The following YEATS4 variants were observed in gnomAD, a reference collection of about 807,000 sequenced individuals.
YEATS4 encodes the protein YEATS domain-containing protein 4.
A neutral mutation model predicts 30.1 loss-of-function variants in YEATS4; 17 were observed. That is an observed-to-expected ratio of 0.56 (90% confidence interval 0.39 to 0.85). The LOEUF (loss-of-function observed/expected upper bound fraction) is 0.85. YEATS4 is among the 40% of genes least tolerant of loss of function. The pLI is 0.00. For synonymous variants in YEATS4, 85 were observed against 87.5 expected, an observed-to-expected ratio of 0.97 and a Z score of 0.16; for missense variants, 142 against 268.3, an observed-to-expected ratio of 0.53 and a Z score of 3.29.
the YEATS4 span, among the ~76,000 whole-genome samples, chr12:69,398,205 T>A: frequency 2.0e-5 from 3 of 152,096 alleles, no homozygotes; most frequent in Admixed American, 6.5e-5. Context: ...CCAGAGCAAT[T>A]TGGCAAGCAA....
In YEATS4 at chr12:69,379,583, A is replaced by ATTTTTTTT. The variant is rs61048163; in HGVS notation, c.514+8638_514+8645dup. ...CACATGCCACCACTATGCCCAGCTA[A>ATTTTTTTT]TTTTTTTTTTTTTTTTTTTTTTTTT... is the stretch of plus-strand genomic sequence containing the variant. On this transcript the variant is annotated intron_variant, in intron 6 of 6. Transcript: ENST00000247843. Among the ~76,000 whole-genome samples the ATTTTTTTT allele has an allele frequency of 6.2e-4, 45 of 72,294 alleles. 6 individuals carry two copies. Among genetic ancestry groups the ATTTTTTTT allele is most frequent in the Non-Finnish European group, 9.7e-4 (38 of 39,102 alleles). 47.4% of individuals were successfully genotyped at this position (72,294 alleles called of 152,430 possible).
rs1377568729 is a variant in YEATS4 at position 69,360,088 on chromosome 12, CG to C, written c.51+69del. On this transcript the variant is annotated intron_variant, in intron 1 of 6. Transcript: ENST00000247843. ...CGCCTCGGTTCCTCCCTGCGCGGCGCGGGGAGGGCCCACTGGGTTTCCTTTC... is the reference window on the plus strand; with the variant it reads ...CGCCTCGGTTCCTCCCTGCGCGGCGCGGGAGGGCCCACTGGGTTTCCTTTC... The C allele has an allele frequency of 1.9e-6, 3 of 1,562,530 alleles. No homozygotes were observed. In the African/African-American group the frequency reaches 4.1e-5, roughly 21 times the overall value.
chr12:69,400,806 T>A, the YEATS4 span: 1 of 152,202 alleles, frequency 6.6e-6, no homozygotes, highest in Non-Finnish European at 1.5e-5. Context: ...TGTCTAATAT[T>A]CAGCCACAGA....
At chr12:69,387,022 T>C (rs1429927009) in intron 6 of YEATS4, among the ~76,000 whole-genome samples, 4 of 152,008 alleles carry the variant, frequency 2.6e-5, no homozygotes, top group Non-Finnish European at 5.9e-5. Flanking sequence ...AAAAATCTTA[T>C]TCTACTTTTT....
chr12:69,403,899 CTT>C, the YEATS4 span, among the ~76,000 whole-genome samples: 1 of 151,812 alleles, frequency 6.6e-6, no homozygotes, highest in Non-Finnish European at 1.5e-5. Flanking sequence ...TTGAAAATTC[CTT>C]TCTCTTTCTT....
At chr12:69,395,664 T>C (rs1296272894), downstream of YEATS4, among the ~76,000 whole-genome samples, 2 of 152,142 alleles carry the variant, frequency 1.3e-5, no homozygotes, top group Non-Finnish European at 2.9e-5. Flanking sequence ...AAAAATTAAA[T>C]GAAAAGGAAA....
the YEATS4 span, among the ~76,000 whole-genome samples, chr12:69,422,248 G>A: frequency 3.3e-5 from 5 of 152,142 alleles, no homozygotes; most frequent in African/African-American, 1.2e-4. Context: ...GTGAATGAAG[G>A]AACATCGAAG....
intron 4 of YEATS4, among the ~76,000 whole-genome samples, chr12:69,368,966 A>G (rs1310806709): frequency 6.6e-6 from 1 of 152,142 alleles, no homozygotes; most frequent in Non-Finnish European, 1.5e-5. Flanking sequence ...TTTTGCCTGC[A>G]TTTATAGTCC....
chr12:69,378,253 T>C (rs1347945608), intron 6 of YEATS4, among the ~76,000 whole-genome samples: 1 of 152,192 alleles, frequency 6.6e-6, no homozygotes, highest in Non-Finnish European at 1.5e-5. Flanking sequence ...CGTGTGTCTT[T>C]ATAGGTGAAG....
At chr12:69,382,731 G>C (rs1876128495) in intron 6 of YEATS4, among the ~76,000 whole-genome samples, 1 of 152,242 alleles carries the variant, frequency 6.6e-6, no homozygotes, top group Non-Finnish European at 1.5e-5. Flanking sequence ...CAGTAATTCA[G>C]ATTTGGTAGA....
At chr12:69,425,364 G>C in the YEATS4 span, among the ~76,000 whole-genome samples, 1 of 152,224 alleles carries the variant, frequency 6.6e-6, no homozygotes, top group African/African-American at 2.4e-5. Flanking sequence ...GGAATTTTGA[G>C]AAAGGGGCCT....
chr12:69,380,273 G>A (rs564650796), intron 6 of YEATS4, among the ~76,000 whole-genome samples: 2 of 152,308 alleles, frequency 1.3e-5, no homozygotes, highest in African/African-American at 4.8e-5. Context: ...TAGGTGTTGT[G>A]ATCTAAATTT....
chr12:69,415,686 A>G, the YEATS4 span, among the ~76,000 whole-genome samples: 4 of 152,198 alleles, frequency 2.6e-5, no homozygotes, highest in Non-Finnish European at 5.9e-5. Context: ...AAAGGTGGCT[A>G]TAACTACAAA....
Position 69,389,996 on chromosome 12 carries a change from C to G in YEATS4, c.515-151C>G, listed in dbSNP as rs1031752834. ...GAATTCAGACATTCTTCCCCTCCCC[C>G]AACCTGCACCCATGTTTAATGTTGT... On this transcript the variant is annotated intron_variant, in intron 6 of 6. Coordinates refer to ENST00000247843, the MANE Select transcript of YEATS4 (RefSeq NM_006530.4). The G allele has an allele frequency of 1.5e-4, 85 of 556,604 alleles. 2 individuals are homozygous for G. The East Asian group carries it at 2.9e-3, about 19-fold the overall frequency. 34.5% of individuals were successfully genotyped at this position (556,604 alleles called of 1,614,324 possible). A position where few individuals can be genotyped will look rare whatever the true frequency, so the allele number is the denominator to read the frequency against.
chr12:69,370,658 G>T (rs1489676272), intron 4 of YEATS4, 48 bp from the exon 5 acceptor site: 15 of 1,430,326 alleles, frequency 1.0e-5, no homozygotes, highest in Non-Finnish European at 1.3e-5. Context: ...AGTATCTTAT[G>T]ATGATAAAAA....
intron 2 of YEATS4, among the ~76,000 whole-genome samples, chr12:69,363,965 G>A (rs1875332041): frequency 6.6e-6 from 1 of 152,158 alleles, no homozygotes; most frequent in Non-Finnish European, 1.5e-5. Flanking sequence ...TATAAAAAAG[G>A]CCAAATATTA....
chr12:69,380,949 G>A (rs1439280560), intron 6 of YEATS4, among the ~76,000 whole-genome samples: 1 of 152,076 alleles, frequency 6.6e-6, no homozygotes, highest in African/African-American at 2.4e-5. Flanking sequence ...GCTTCACAAG[G>A]TAATAAGATA....
At chr12:69,360,278 G>A (rs1875141420) in intron 1 of YEATS4, among the ~76,000 whole-genome samples, 1 of 152,198 alleles carries the variant, frequency 6.6e-6, no homozygotes, top group African/African-American at 2.4e-5. Context: ...GGGAAACCCG[G>A]ACGTGGCTGC....
chr12:69,381,082 G>A (rs535182405), intron 6 of YEATS4, among the ~76,000 whole-genome samples: 2 of 152,286 alleles, frequency 1.3e-5, no homozygotes, highest in African/African-American at 4.8e-5. Context: ...TTGAGAGCAG[G>A]CAACCGGTCT....
Sources: allele counts gnomAD v4.1 joint callset (sites outside exome capture counted in the v4.1 genomes callset), GRCh38; gene constraint gnomAD v4.1.1; transcripts MANE v1.5; gene names NCBI Gene and HGNC (gene_info 2026-07-23, HGNC 2026-07-21).